The following FRMPD4 variants were observed in gnomAD, a reference collection of about 807,000 sequenced individuals.
FRMPD4 encodes FERM and PDZ domain containing 4, also known as FERM and PDZ domain-containing protein 4.
Under a neutral mutation model 94.1 loss-of-function variants are expected in FRMPD4, and 22 were observed. That is an observed-to-expected ratio of 0.23 (90% CI 0.17 to 0.33). FRMPD4 has a LOEUF of 0.33. FRMPD4 is among the 10% of genes least tolerant of loss of function. FRMPD4 has a pLI of 1.00. For missense variants in FRMPD4, 1,111 were observed against 1,339.9 expected (o/e 0.83, Z 2.67); for synonymous variants, 631 against 548.6 (o/e 1.15, Z -2.10).
intron 1 of FRMPD4, among the ~76,000 whole-genome samples, chrX:12,170,963 C>G (rs192529496): frequency 1.8e-5 from 2 of 113,506 alleles, no homozygotes; most frequent in East Asian, 5.5e-4. Flanking sequence ...CACTTGTTCT[C>G]AGATTCCTAG....
intron 3 of FRMPD4, among the ~76,000 whole-genome samples, chrX:11,949,727 C>T (rs1264958677): frequency 1.8e-5 from 2 of 111,442 alleles, no homozygotes; most frequent in African/African-American, 6.5e-5. Context: ...ATCACACTGA[C>T]CCAGAAGCCT....
intron 1 of FRMPD4, among the ~76,000 whole-genome samples, chrX:12,409,979 C>A (rs1460677761): frequency 9.0e-6 from 1 of 111,605 alleles, no homozygotes; most frequent in African/African-American, 3.2e-5. Flanking sequence ...AATATCACCC[C>A]TTTTTTCTTT....
intron 2 of FRMPD4, among the ~76,000 whole-genome samples, chrX:11,872,987 A>C (rs187985344): frequency 1.2e-3 from 132 of 112,378 alleles, no homozygotes; most frequent in South Asian, 2.6e-3. Context: ...TTCCTCAAAA[A>C]GTTAACCATA....
intron 1 of FRMPD4, among the ~76,000 whole-genome samples, chrX:12,301,319 C>T (rs116029885): frequency 1.6e-4 from 18 of 111,903 alleles, no homozygotes; most frequent in African/African-American, 4.5e-4. Context: ...CATCGGTCTA[C>T]GGATGAAGTC....
intron 3 of FRMPD4, among the ~76,000 whole-genome samples, chrX:12,078,667 G>C (rs1444931004): frequency 8.9e-6 from 1 of 112,185 alleles, no homozygotes; most frequent in African/African-American, 3.2e-5. Flanking sequence ...TAGAAACACA[G>C]TACTAATGTC....
At chrX:11,924,578 G>T (rs1316918576) in intron 3 of FRMPD4, among the ~76,000 whole-genome samples, 2 of 112,207 alleles carry the variant, frequency 1.8e-5, no homozygotes, top group African/African-American at 6.5e-5. Context: ...AACCCTACAA[G>T]CCAGGAGAGA....
In FRMPD4 at chrX:12,303,829, G is replaced by A. The variant is rs759431441; in HGVS notation, c.41+164817G>A. 3.6e-5 allele frequency among the ~76,000 whole-genome samples: 4 copies of A among 112,325 alleles called. No individual in the cohort carries two copies. The South Asian group carries it at 1.1e-3, about 31-fold the overall frequency. On this transcript the variant is annotated intron_variant, in intron 1 of 16. Coordinates refer to ENST00000675598, the MANE Select transcript of FRMPD4 (RefSeq NM_001368397.1). ...GCCAAAATGCTGTGCTAACTATAGA[G>A]GAAAACAGATATTTAGAAAGAGAAA... is the stretch of plus-strand genomic sequence containing the variant.
At chrX:12,340,592 G>A (rs1308659629) in intron 1 of FRMPD4, among the ~76,000 whole-genome samples, 2 of 111,566 alleles carry the variant, frequency 1.8e-5, no homozygotes, top group Admixed American at 9.5e-5. Flanking sequence ...TGTGAGGTCG[G>A]CCACTGTCCC....
At chrX:11,864,954 G>T (rs975209920) in intron 1 of FRMPD4, among the ~76,000 whole-genome samples, 8 of 111,747 alleles carry the variant, frequency 7.2e-5, no homozygotes, top group Non-Finnish European at 3.8e-5. Context: ...GGTAGAAAAG[G>T]ACATCCATTT....
intron 2 of FRMPD4, among the ~76,000 whole-genome samples, chrX:12,502,456 G>A (rs1309345490): frequency 9.0e-6 from 1 of 111,342 alleles, no homozygotes; most frequent in Non-Finnish European, 1.9e-5. Context: ...GAAAAGGAAA[G>A]AGTCATGGGA....
Position 12,444,499 on chromosome X carries a change from T to C in FRMPD4, c.42-54181T>C, listed in dbSNP as rs139857032. Among the ~76,000 whole-genome samples the C allele has an allele frequency of 1.5e-3, 173 of 112,245 alleles. 8 individuals are homozygous for C. In the East Asian group the frequency reaches 0.044, roughly 29 times the overall value. Reference sequence around the variant, plus strand: ...TTCTTTTGCTACTAGACAGTGAAGTTCTTGGGACCTAAGGGCAGGGTTTTA... The same window carrying C: ...TTCTTTTGCTACTAGACAGTGAAGTCCTTGGGACCTAAGGGCAGGGTTTTA... On this transcript the variant is annotated intron_variant, in intron 1 of 16. Transcript: ENST00000675598.
At chrX:12,569,962 A>G (rs1012091231) in intron 2 of FRMPD4, among the ~76,000 whole-genome samples, 3 of 112,248 alleles carry the variant, frequency 2.7e-5, no homozygotes, top group Non-Finnish European at 5.6e-5. Context: ...AAGGTGTCTT[A>G]AAAGAGCTCA....
At chrX:12,439,651 A>G (rs1006277051) in intron 1 of FRMPD4, among the ~76,000 whole-genome samples, 1 of 112,088 alleles carries the variant, frequency 8.9e-6, no homozygotes, top group African/African-American at 3.2e-5. Flanking sequence ...GTTTTCTTTT[A>G]TAACCCTTGA....
At chrX:12,552,342 G>A (rs1362399863) in intron 2 of FRMPD4, among the ~76,000 whole-genome samples, 2 of 111,485 alleles carry the variant, frequency 1.8e-5, no homozygotes, top group Admixed American at 9.6e-5. Context: ...ATTCAGGATT[G>A]TAAGATTTTT....
chrX:12,681,569 G>C (rs920143322), intron 5 of FRMPD4, among the ~76,000 whole-genome samples: 1 of 110,671 alleles, frequency 9.0e-6, no homozygotes, highest in African/African-American at 3.3e-5. Flanking sequence ...TCAAGCTCTG[G>C]GAGACAAATC....
chrX:12,259,242 A>G (rs1484990386), intron 1 of FRMPD4, among the ~76,000 whole-genome samples: 1 of 111,731 alleles, frequency 9.0e-6, no homozygotes, highest in East Asian at 2.8e-4. Flanking sequence ...CTAGCCATCC[A>G]GAAGTGGAAA....
Position 12,625,968 on chromosome X carries a change from C to A in FRMPD4, c.422+11087C>A, listed in dbSNP as rs1269572606. 5.4e-5 allele frequency among the ~76,000 whole-genome samples: 6 copies of A among 111,149 alleles called. No homozygotes were observed. In the Admixed American group the frequency reaches 5.7e-4, roughly 11 times the overall value. ...ATTAAAAAATAATAATAGTGGAAAA[C>A]TTTTCTAATCTGGGGATAGATAGCA... On this transcript the variant is annotated intron_variant, in intron 4 of 16. Coordinates refer to ENST00000675598, the MANE Select transcript of FRMPD4 (RefSeq NM_001368397.1).
At chrX:12,110,569 G>A (rs186646474) in intron 3 of FRMPD4, among the ~76,000 whole-genome samples, 355 of 111,236 alleles carry the variant, frequency 3.2e-3, no homozygotes, top group African/African-American at 0.011. Flanking sequence ...GTTCTGGCCA[G>A]GGCAATCAGG....
At chrX:12,688,208 G>A (rs2060046548) in intron 7 of FRMPD4, among the ~76,000 whole-genome samples, 1 of 111,856 alleles carries the variant, frequency 8.9e-6, no homozygotes, top group Non-Finnish European at 1.9e-5. Context: ...AGCCCTTTCT[G>A]ACACCATGGC....
Sources: gnomAD v4.1 joint callset for allele counts (sites outside exome capture counted in the v4.1 genomes callset) on GRCh38, gnomAD v4.1.1 for gene constraint, MANE v1.5 for transcripts, NCBI Gene and HGNC (gene_info 2026-07-23, HGNC 2026-07-21) for gene names.